FGF14: variants seen among roughly 807,000 people sequenced by gnomAD.
FGF14 encodes the protein fibroblast growth factor homologous factor 4.
In FGF14, 5 loss-of-function variants were observed where a neutral mutation model predicts 25.5. The observed-to-expected ratio is 0.20, with a 90% CI of 0.10 to 0.41. The LOEUF is 0.41. Ranked by LOEUF, FGF14 falls within the 10% of genes least tolerant of loss-of-function variation. The pLI is 1.00. For missense variants in FGF14, 222 were observed against 320.1 expected (o/e 0.69, Z 2.34); for synonymous variants, 138 against 118.3 (o/e 1.17, Z -1.08).
intron 3 of FGF14, among the ~76,000 whole-genome samples, chr13:101,773,657 A>C (rs902029720): frequency 6.6e-6 from 1 of 151,886 alleles, no homozygotes; most frequent in African/African-American, 2.4e-5. Flanking sequence ...TGAAGAAGGT[A>C]CATCTTAAGA....
At chr13:101,969,558 C>A (rs904466864) in intron 1 of FGF14, among the ~76,000 whole-genome samples, 1 of 152,142 alleles carries the variant, frequency 6.6e-6, no homozygotes, top group African/African-American at 2.4e-5. Flanking sequence ...ATTTGTGAAA[C>A]CCTAATCAAT....
At chr13:102,205,095 G>A (rs1459842939) in intron 1 of FGF14, among the ~76,000 whole-genome samples, 2 of 152,150 alleles carry the variant, frequency 1.3e-5, no homozygotes, top group Admixed American at 1.3e-4. Context: ...TGCTTATTCT[G>A]AGAATAGCTT....
upstream of FGF14, among the ~76,000 whole-genome samples, chr13:101,918,247 G>A (rs574265594): frequency 3.3e-5 from 5 of 152,300 alleles, no homozygotes; most frequent in Admixed American, 3.3e-4. Flanking sequence ...CTTCATGCTT[G>A]GATGAACACA....
In FGF14 at chr13:101,722,703, G is replaced by GAGAC; in HGVS notation, c.*124_*127dup. The GAGAC allele has an allele frequency of 2.3e-6, 3 of 1,309,176 alleles. No homozygotes were observed. Among genetic ancestry groups the GAGAC allele is most frequent in the Non-Finnish European group, 2.2e-6 (2 of 925,328 alleles). 81.1% of individuals were successfully genotyped at this position (1,309,176 alleles called of 1,614,324 possible). On this transcript the variant is annotated 3_prime_UTR_variant, in exon 5 of 5. Transcript: ENST00000376143. ...TATCCACTTGCAACAGAGAAGTTCG[G>GAGAC]AGACAGCAAAGAATAAGCATTAGCT...
intron 1 of FGF14, among the ~76,000 whole-genome samples, chr13:102,040,183 T>C (rs1453403596): frequency 6.6e-6 from 1 of 152,142 alleles, no homozygotes; most frequent in Non-Finnish European, 1.5e-5. Flanking sequence ...AAAATGTCTC[T>C]CTTGCTCCTC....
At chr13:101,811,426 C>T (rs2041503522) in intron 3 of FGF14, among the ~76,000 whole-genome samples, 1 of 152,134 alleles carries the variant, frequency 6.6e-6, no homozygotes, top group African/African-American at 2.4e-5. Flanking sequence ...TCTTCCATGT[C>T]TTTTTGTGGC....
intron 1 of FGF14, among the ~76,000 whole-genome samples, chr13:102,065,761 A>C (rs546394449): frequency 1.8e-4 from 27 of 151,992 alleles, no homozygotes; most frequent in Non-Finnish European, 3.8e-4. Flanking sequence ...ATAATATGTT[A>C]ATGTATATTA....
chr13:102,187,837 T>C (rs969841421), intron 1 of FGF14, among the ~76,000 whole-genome samples: 4 of 152,146 alleles, frequency 2.6e-5, no homozygotes, highest in African/African-American at 9.6e-5. Context: ...ACAGAACAAA[T>C]AGACCCCCAG....
intron 1 of FGF14, among the ~76,000 whole-genome samples, chr13:102,271,442 G>C (rs1156836741): frequency 1.3e-5 from 2 of 151,940 alleles, no homozygotes; most frequent in Non-Finnish European, 2.9e-5. Flanking sequence ...TCCATTTTCT[G>C]TCCAGAGTGC....
upstream of FGF14, among the ~76,000 whole-genome samples, chr13:101,918,054 C>T (rs1214337905): frequency 1.3e-5 from 2 of 152,152 alleles, no homozygotes; most frequent in South Asian, 2.1e-4. Context: ...GGGAGCAAAG[C>T]CATCTGAACT....
At chr13:102,106,661 C>A (rs1194244323) in intron 1 of FGF14, among the ~76,000 whole-genome samples, 1 of 151,848 alleles carries the variant, frequency 6.6e-6, no homozygotes, top group Non-Finnish European at 1.5e-5. Flanking sequence ...AGAAAAAGAA[C>A]TGAAAAGCCT....
At chr13:102,250,790 A>G (rs898415549) in intron 1 of FGF14, among the ~76,000 whole-genome samples, 3 of 152,238 alleles carry the variant, frequency 2.0e-5, no homozygotes, top group Admixed American at 6.5e-5. Flanking sequence ...GACATTTGGC[A>G]TATTACTAAA....
At chr13:101,828,438 A>T (rs2042508382) in intron 3 of FGF14, among the ~76,000 whole-genome samples, 1 of 151,936 alleles carries the variant, frequency 6.6e-6, no homozygotes, top group African/African-American at 2.4e-5. Context: ...CAAACAATTG[A>T]TAGAACTATT....
chr13:102,393,746 C>A (rs529991455), intron 1 of FGF14: 14 of 152,356 alleles, frequency 9.2e-5, no homozygotes, highest in Non-Finnish European at 1.8e-4. Flanking sequence ...ACCCAAGGCT[C>A]AAAGCTTCTA....
At chr13:102,024,424 G>A (rs73565734) in intron 1 of FGF14, among the ~76,000 whole-genome samples, 4,814 of 151,960 alleles carry the variant, frequency 0.032, 246 homozygotes, top group African/African-American at 0.11. Context: ...CAACTTTTCT[G>A]GAGAACTGTC....
chr13:101,737,136 A>G (rs2036246193), intron 3 of FGF14, among the ~76,000 whole-genome samples: 1 of 150,628 alleles, frequency 6.6e-6, no homozygotes, highest in South Asian at 2.1e-4. Flanking sequence ...TATTACTAAT[A>G]CCAAAAATAG....
chr13:102,385,835 T>C (rs2058288932), intron 1 of FGF14, among the ~76,000 whole-genome samples: 3 of 152,208 alleles, frequency 2.0e-5, no homozygotes, highest in Admixed American at 2.0e-4. Flanking sequence ...ACTTGCTTTG[T>C]ATTTGCCTTT....
rs561873556 is a variant in FGF14, at chr13:102,159,032, C to T, written c.208+242439G>A. Among the ~76,000 whole-genome samples, 20 of 148,804 alleles carry T rather than the reference C, an allele frequency of 1.3e-4. No homozygotes were observed. The East Asian group carries it at 2.5e-3, about 18-fold the overall frequency. On this transcript the variant is annotated intron_variant, in intron 1 of 4. Transcript: ENST00000376131. ...GCATGCACCTGTAATCCCAGCTACTCGGGAGGCCGAGGCAGGAGAATCACT... is the reference window on the plus strand; with the variant it reads ...GCATGCACCTGTAATCCCAGCTACTTGGGAGGCCGAGGCAGGAGAATCACT...
upstream of FGF14, among the ~76,000 whole-genome samples, chr13:101,920,964 G>A (rs1388711060): frequency 6.6e-6 from 1 of 151,974 alleles, no homozygotes; most frequent in African/African-American, 2.4e-5. Flanking sequence ...GTGCTTGATG[G>A]TCTCCTGAAG....
Sources: gnomAD v4.1 joint callset for allele counts (sites outside exome capture counted in the v4.1 genomes callset) on GRCh38, gnomAD v4.1.1 for gene constraint, MANE v1.5 for transcripts, NCBI Gene and HGNC (gene_info 2026-07-23, HGNC 2026-07-21) for gene names.